The following PDXDC1 variants were observed in gnomAD, a reference collection of about 807,000 sequenced individuals.
PDXDC1 encodes the protein pyridoxal dependent decarboxylase domain containing 1.
Under a neutral mutation model 100.1 loss-of-function variants are expected in PDXDC1, and 42 were observed. The observed-to-expected ratio is 0.42, with a 90% CI of 0.33 to 0.54. PDXDC1 has a LOEUF of 0.54. Among genes scored for constraint, PDXDC1 ranks in the 20% least tolerant of loss-of-function variants. The pLI, the probability that PDXDC1 is intolerant of heterozygous loss-of-function variation, is 0.10. For missense variants in PDXDC1, 636 were observed against 979.2 expected (o/e 0.65, Z 4.68); for synonymous variants, 260 against 371.7 (o/e 0.70, Z 3.46).
Position 15,034,558 on chromosome 16 carries a change from G to T in PDXDC1, c.2002+5G>T. ...GAACTTTTAACTTGACAGCAGGTAGGACGGCATAGCCTCTTCCCAGGTCTT... is the reference window on the plus strand; with the variant it reads ...GAACTTTTAACTTGACAGCAGGTAGTACGGCATAGCCTCTTCCCAGGTCTT... On this transcript the variant is annotated splice_donor_5th_base_variant and intron_variant, in intron 21 of 22. Transcript: ENST00000396410. The T allele has an allele frequency of 6.2e-7, 1 of 1,607,258 alleles. No homozygotes were observed. Among genetic ancestry groups the T allele is most frequent in the South Asian group, 1.1e-5 (1 of 90,910 alleles).
In PDXDC1 at chr16:15,051,698, A is replaced by ATT. The variant is rs61437077; in HGVS notation, c.1399+21660_1399+21661dup. On this transcript the variant is annotated intron_variant, in intron 16 of 16. Transcript: ENST00000535621. The stretch of plus-strand genomic sequence containing the variant: ...GTGCCCAGCCTCTACTTTATTTTTA[A>ATT]TTTTTTTTTTTTTTTTTTTAGAGAC... 5.7e-4 allele frequency among the ~76,000 whole-genome samples: 70 copies of ATT among 122,386 alleles called. 1 individual carries two copies. Among genetic ancestry groups the ATT allele is most frequent in the East Asian group, 1.9e-3 (8 of 4,256 alleles). 80.3% of individuals were successfully genotyped at this position (122,386 alleles called of 152,430 possible).
chr16:15,038,378 C>A, downstream of PDXDC1: 1 of 624,096 alleles, frequency 1.6e-6, no homozygotes, highest in South Asian at 2.1e-5. Context: ...TACTGCTTTA[C>A]CCACACACAT....
At chr16:15,095,622 C>G (rs1362411141) in intron 16 of PDXDC1, among the ~76,000 whole-genome samples, 2 of 152,136 alleles carry the variant, frequency 1.3e-5, no homozygotes, top group South Asian at 2.1e-4. Flanking sequence ...GAGGCCGAGG[C>G]AAGTGGATCA....
chr16:14,978,186 A>C (rs1361326200), intron 1 of PDXDC1, among the ~76,000 whole-genome samples: 3 of 152,290 alleles, frequency 2.0e-5, no homozygotes, highest in African/African-American at 7.2e-5. Flanking sequence ...GAGGAGGCAA[A>C]GGAAATTCAA....
chr16:14,982,766 T>C (rs1244003692), intron 1 of PDXDC1, among the ~76,000 whole-genome samples: 1 of 152,280 alleles, frequency 6.6e-6, no homozygotes, highest in African/African-American at 2.4e-5. Flanking sequence ...TTCTCAGTGG[T>C]ATGTATTATA....
intron 12 of PDXDC1, among the ~76,000 whole-genome samples, chr16:15,020,574 A>G (rs1367838931): frequency 6.6e-6 from 1 of 152,278 alleles, no homozygotes; most frequent in Non-Finnish European, 1.5e-5. Context: ...CTGTAGTCCC[A>G]GCTACTTGGG....
chr16:15,044,403 C>A, intron 16 of PDXDC1: 1 of 1,612,212 alleles, frequency 6.2e-7, no homozygotes, highest in South Asian at 1.1e-5. Context: ...AGGTGTACTT[C>A]CAGCCTGGCA....
downstream of PDXDC1, among the ~76,000 whole-genome samples, chr16:15,143,463 G>A (rs907367370): frequency 6.6e-5 from 10 of 152,312 alleles, no homozygotes; most frequent in African/African-American, 1.7e-4. Flanking sequence ...GGGTCTGCCC[G>A]CCACCCGGGC....
At chr16:15,086,130 A>G in intron 16 of PDXDC1, 2 of 1,605,476 alleles carry the variant, frequency 1.2e-6, no homozygotes, top group African/African-American at 1.3e-5. Flanking sequence ...ATGACTTACG[A>G]GGCACAAAAT....
At chr16:15,125,342 T>C in intron 16 of PDXDC1, 1 of 729,794 alleles carries the variant, frequency 1.4e-6, no homozygotes, top group African/African-American at 1.8e-5. Flanking sequence ...GTGGCGCGGG[T>C]CAGCAAGGTA....
intron 12 of PDXDC1, among the ~76,000 whole-genome samples, chr16:15,020,975 AACACACACAC>A (rs66850292): frequency 0.01 from 1,494 of 145,918 alleles, no homozygotes; most frequent in Non-Finnish European, 0.017. Context: ...GCACCATCTA[AACACACACAC>A]ACACACACAC....
At chr16:15,128,209 G>A (rs755271733) in intron 16 of PDXDC1, 8 of 1,611,054 alleles carry the variant, frequency 5.0e-6, no homozygotes, top group South Asian at 3.3e-5. Context: ...AGCTTGGCAG[G>A]GTCCGCACAG....
chr16:15,072,866 G>C (rs1252512464), intron 16 of PDXDC1: 56 of 1,344,152 alleles, frequency 4.2e-5, no homozygotes, highest in Non-Finnish European at 5.8e-5. Flanking sequence ...TTACTTCATG[G>C]TCTCCGTCCA....
In PDXDC1 at chr16:15,032,668, A is replaced by AAAAAAAAAAAAAAG. The variant is rs57542228; in HGVS notation, c.1572-192_1572-191insAAAAAAAAAAAAGA. ...GACCCTGCTTTAAAAAAAAAAAAAA[A>AAAAAAAAAAAAAAG]AGGCTTTCCTGTGACTTTCTCTTTA... On this transcript the variant is annotated intron_variant, in intron 17 of 22. Transcript: ENST00000396410. The AAAAAAAAAAAAAAG allele has an allele frequency of 3.1e-3, 1,176 of 379,574 alleles. 61 individuals are homozygous for AAAAAAAAAAAAAAG. The highest frequency in any genetic ancestry group is 7.2e-3 in the South Asian group (205 of 28,458). The allele number at this position is 379,574 out of a possible 1,614,324, so 23.5% of individuals were successfully genotyped here.
chr16:15,101,947 C>T (rs1303239648), intron 16 of PDXDC1, among the ~76,000 whole-genome samples: 3 of 151,962 alleles, frequency 2.0e-5, no homozygotes, highest in South Asian at 2.1e-4. Flanking sequence ...CTCCTGGGTT[C>T]AAGCGATTCT....
At chr16:15,095,254 G>A (rs1302818516) in intron 16 of PDXDC1, among the ~76,000 whole-genome samples, 1 of 152,142 alleles carries the variant, frequency 6.6e-6, no homozygotes, top group African/African-American at 2.4e-5. Flanking sequence ...TGTGGAGGAT[G>A]TAGAGGGAGA....
At chr16:15,003,360 G>C (rs1294661956) in intron 4 of PDXDC1, among the ~76,000 whole-genome samples, 1 of 152,172 alleles carries the variant, frequency 6.6e-6, no homozygotes, top group Admixed American at 6.5e-5. Flanking sequence ...GGGATTACAG[G>C]TGCCCACCAC....
At chr16:15,104,073 G>A (rs2046669870) in intron 16 of PDXDC1, among the ~76,000 whole-genome samples, 1 of 37,370 alleles carries the variant, frequency 2.7e-5, no homozygotes. Context: ...TTGGGAGGCT[G>A]GGGCAGGAGG....
At chr16:15,042,255 T>G (rs2043851270), downstream of PDXDC1, among the ~76,000 whole-genome samples, 1 of 150,478 alleles carries the variant, frequency 6.6e-6, no homozygotes. Flanking sequence ...GAGCGATCTC[T>G]GCTCATCGCA....
Sources: gnomAD v4.1 joint callset for allele counts (sites outside exome capture counted in the v4.1 genomes callset) on GRCh38, gnomAD v4.1.1 for gene constraint, MANE v1.5 for transcripts, NCBI Gene and HGNC (gene_info 2026-07-23, HGNC 2026-07-21) for gene names.